The following SPTBN1 variants were observed in gnomAD, a reference collection of about 807,000 sequenced individuals.
SPTBN1 encodes the protein spectrin beta, non-erythrocytic 1.
SPTBN1 carries 32 observed loss-of-function variants against 266.4 expected under a neutral mutation model. That is an observed-to-expected ratio of 0.12 (90% CI 0.09 to 0.16). The LOEUF is 0.16. Among genes scored for constraint, SPTBN1 ranks in the 10% least tolerant of loss-of-function variants. SPTBN1 has a pLI of 1.00. For missense variants in SPTBN1, 2,296 were observed against 3,067.1 expected (o/e 0.75, Z 5.94); for synonymous variants, 1,336 against 1,162.2 (o/e 1.15, Z -3.04).
At chr2:54,555,213 C>G (rs571674570) in intron 2 of SPTBN1, among the ~76,000 whole-genome samples, 2 of 152,102 alleles carry the variant, frequency 1.3e-5, no homozygotes, top group Non-Finnish European at 2.9e-5. Context: ...ACTTCCTTTC[C>G]TAGATTTAAC....
intron 2 of SPTBN1, among the ~76,000 whole-genome samples, chr2:54,544,829 A>C (rs1672142232): frequency 6.6e-6 from 1 of 151,950 alleles, no homozygotes; most frequent in Non-Finnish European, 1.5e-5. Flanking sequence ...TACAACATGC[A>C]GGTTTGTTAC....
intron 24 of SPTBN1, 23 bp downstream of exon 24, chr2:54,647,284 G>T: frequency 6.2e-7 from 1 of 1,611,638 alleles, no homozygotes; most frequent in South Asian, 1.1e-5. Context: ...TCATGAGTGT[G>T]AGACCCGGCT....
intron 29 of SPTBN1, among the ~76,000 whole-genome samples, 196 bp from the exon 30 acceptor site, chr2:54,657,650 TTTTA>T (rs1244156750): frequency 6.6e-6 from 1 of 152,238 alleles, no homozygotes; most frequent in Non-Finnish European, 1.5e-5. Flanking sequence ...TTTTTACTCT[TTTTA>T]ATGTGGCTAC....
intron 1 of SPTBN1, among the ~76,000 whole-genome samples, chr2:54,520,741 G>C (rs943878934): frequency 1.4e-5 from 2 of 143,432 alleles, no homozygotes; most frequent in Admixed American, 7.6e-5. Context: ...TAGTCACAAA[G>C]AACATGGGCA....
chr2:54,613,948 G>T (rs889385374), intron 4 of SPTBN1, among the ~76,000 whole-genome samples: 3 of 152,242 alleles, frequency 2.0e-5, no homozygotes. Context: ...TATCTTGACA[G>T]CGGGTCAGCA....
At position 54,668,695 on chromosome 2, in the gene SPTBN1, T is replaced by A. The variant is rs1356759889; in HGVS notation, c.*126T>A. 9.5e-5 allele frequency: 65 copies of A among 684,886 alleles called. No individual in the cohort carries two copies. Among genetic ancestry groups the A allele is most frequent in the East Asian group, 3.5e-4 (7 of 20,198 alleles). The allele number at this position is 684,886 out of a possible 1,614,324, so 42.4% of individuals were successfully genotyped here. A position where few individuals can be genotyped will look rare whatever the true frequency, so the allele number is the denominator to read the frequency against. ...AATGTGGTTGATTTTTTTTTTTTTT[T>A]AATTTATAGAGCATTTCGGGGGGGG... On this transcript the variant is annotated 3_prime_UTR_variant, in exon 36 of 36. Transcript: ENST00000356805.
chr2:54,629,198 C>T lies in SPTBN1; in HGVS notation c.2064C>T (p.Ser688=), dbSNP rs749471660. 1.1e-5 allele frequency: 17 copies of T among 1,613,512 alleles called. 2 individuals are homozygous for T. Among genetic ancestry groups the T allele is most frequent in the South Asian group, 7.7e-5 (7 of 91,094 alleles). Residue 688 remains serine, a synonymous_variant, in exon 14 of 36, where the codon AGC becomes AGT. Transcript: ENST00000356805. ...SKHRAFEDEM[S]GRSGHFEQAI... is the part of the protein sequence containing the mutation. ...ACCGGGCGTTCGAGGACGAGATGAG[C>T]GGCCGCAGTGGCCACTTTGAGCAGG...
At chr2:54,484,139 T>C (rs554055526) in intron 1 of SPTBN1, among the ~76,000 whole-genome samples, 32 of 152,300 alleles carry the variant, frequency 2.1e-4, no homozygotes, top group African/African-American at 5.5e-4. Flanking sequence ...TGAGCTGTGA[T>C]TGCACCACTG....
At chr2:54,552,953 G>A (rs1672663434) in intron 2 of SPTBN1, among the ~76,000 whole-genome samples, 1 of 152,234 alleles carries the variant, frequency 6.6e-6, no homozygotes, top group South Asian at 2.1e-4. Flanking sequence ...AGTGGGAGGT[G>A]CCACTGGGGA....
At position 54,549,147 on chromosome 2, in the gene SPTBN1, G is replaced by T. The variant is rs1411625499; in HGVS notation, c.148+22581G>T. Among the ~76,000 whole-genome samples, 10 of 152,200 alleles carry T rather than the reference G, an allele frequency of 6.6e-5. No individual in the cohort carries two copies. In the East Asian group the frequency reaches 1.9e-3, roughly 29 times the overall value. ...TGTACTAAAAGTACCAAAATTAGCT[G>T]GTGTGGTGGTGCGCGCCTGTAATCC... is the stretch of plus-strand genomic sequence containing the variant. On this transcript the variant is annotated intron_variant, in intron 2 of 35. Transcript: ENST00000356805.
intron 1 of SPTBN1, among the ~76,000 whole-genome samples, chr2:54,488,195 A>G (rs1057234780): frequency 3.9e-5 from 6 of 152,096 alleles, no homozygotes; most frequent in Admixed American, 3.3e-4. Context: ...TGAAATTCCT[A>G]GGTGATTTTG....
At chr2:54,555,650 CAA>C in intron 2 of SPTBN1, among the ~76,000 whole-genome samples, 1 of 152,316 alleles carries the variant, frequency 6.6e-6, no homozygotes, top group South Asian at 2.1e-4. Flanking sequence ...TCCCCTGGCT[CAA>C]AAGTCTCCAG....
intron 32 of SPTBN1, chr2:54,662,892 C>G (rs983237521): frequency 1.3e-5 from 2 of 152,232 alleles, no homozygotes; most frequent in Admixed American, 1.3e-4. Flanking sequence ...TGCGCACACA[C>G]ACCCCCACAA....
chr2:54,643,075 A>T lies in SPTBN1; in HGVS notation c.3951A>T (p.Gln1317His). ...RNLHSKWLKH[Q>H]AFMAELASNK... ...TGCACAGTAAATGGTTGAAGCATCA[A>T]GCATTTATGGCAGAACTTGCATCCA... The change falls in exon 19 of 36, where the codon CAA becomes CAT. Residue 1317 changes from glutamine (Q) to histidine (H), a missense_variant. Transcript: ENST00000356805. 1 of 1,614,202 alleles carries T rather than the reference A, an allele frequency of 6.2e-7. No homozygotes were observed. The highest frequency in any genetic ancestry group is 2.2e-5 in the East Asian group (1 of 44,884).
At chr2:54,566,772 A>G (rs1673692630) in intron 2 of SPTBN1, among the ~76,000 whole-genome samples, 1 of 152,096 alleles carries the variant, frequency 6.6e-6, no homozygotes, top group Non-Finnish European at 1.5e-5. Flanking sequence ...CAGAGGTTGC[A>G]GTGAGCCAAG....
chr2:54,602,747 G>C (rs934774303), intron 3 of SPTBN1, among the ~76,000 whole-genome samples: 2 of 152,196 alleles, frequency 1.3e-5, no homozygotes, highest in Admixed American at 1.3e-4. Context: ...GTGTGTGTTT[G>C]TGTATGTTGC....
chr2:54,473,338 T>G (rs1694021281), intron 1 of SPTBN1, among the ~76,000 whole-genome samples: 2 of 152,240 alleles, frequency 1.3e-5, no homozygotes, highest in African/African-American at 4.8e-5. Flanking sequence ...AAAATGCGTG[T>G]GTGGGCAGCT....
chr2:54,576,384 C>T (rs1674479510), intron 2 of SPTBN1, among the ~76,000 whole-genome samples: 1 of 152,056 alleles, frequency 6.6e-6, no homozygotes, highest in Non-Finnish European at 1.5e-5. Context: ...TTGCTTTGGC[C>T]TAATTAATAA....
At chr2:54,472,469 TCA>T (rs1486554011) in intron 1 of SPTBN1, among the ~76,000 whole-genome samples, 2 of 152,218 alleles carry the variant, frequency 1.3e-5, no homozygotes, top group South Asian at 4.1e-4. Flanking sequence ...CTTAGCTGAT[TCA>T]CTTTTAGACT....
Sources: allele counts gnomAD v4.1 joint callset (sites outside exome capture counted in the v4.1 genomes callset), GRCh38; gene constraint gnomAD v4.1.1; transcripts MANE v1.5; gene names NCBI Gene and HGNC (gene_info 2026-07-23, HGNC 2026-07-21).